Variants in SSH2 observed in about 807,000 individuals in gnomAD.
SSH2 encodes the protein protein phosphatase Slingshot homolog 2.
In SSH2, 37 loss-of-function variants were observed where a neutral mutation model predicts 135.2. The observed-to-expected ratio is 0.27, with a 90% CI of 0.21 to 0.36. The LOEUF (loss-of-function observed/expected upper bound fraction) is 0.36. Among genes scored for constraint, SSH2 ranks in the 10% least tolerant of loss-of-function variants. The probability of loss-of-function intolerance (pLI) is 1.00; values close to 1 mark genes in which losing one functional copy is unlikely to be tolerated. For missense variants in SSH2, 1,408 were observed against 1,765.3 expected (o/e 0.80, Z 3.63); for synonymous variants, 628 against 646.2 (o/e 0.97, Z 0.43).
intron 12 of SSH2, 39 bp from the exon 13 acceptor site, chr17:29,650,839 C>G (rs776580354): frequency 2.0e-6 from 3 of 1,514,372 alleles, no homozygotes; most frequent in South Asian, 2.5e-5. Context: ...CTCTACTACT[C>G]AGGCTAAATC....
At chr17:29,732,272 C>T (rs1019429043) in intron 3 of SSH2, among the ~76,000 whole-genome samples, 6 of 152,142 alleles carry the variant, frequency 3.9e-5, no homozygotes, top group African/African-American at 1.4e-4. Flanking sequence ...TAAAAAGTAG[C>T]AAGCACCAGG....
intron 3 of SSH2, among the ~76,000 whole-genome samples, chr17:29,716,869 A>AT (rs1444221752): frequency 6.6e-6 from 1 of 151,932 alleles, no homozygotes; most frequent in African/African-American, 2.4e-5. Flanking sequence ...TTTGCCAATG[A>AT]TTTCCCCAGT....
chr17:29,696,267 TACAC>T (rs957562211), intron 4 of SSH2, among the ~76,000 whole-genome samples: 1 of 149,442 alleles, frequency 6.7e-6, no homozygotes, highest in Non-Finnish European at 1.5e-5. Flanking sequence ...AATATATATA[TACAC>T]ACACACGTAT....
Position 29,692,462 on chromosome 17 carries a change from CA to C in SSH2, c.357+2996del, listed in dbSNP as rs2038529013. Reference sequence around the variant, plus strand: ...ACTTTGAATTCAGAGGCATCAGTTACATTTTCTGAATTTATATTTTATAAAT... The same window carrying C: ...ACTTTGAATTCAGAGGCATCAGTTACTTTTCTGAATTTATATTTTATAAAT... On this transcript the variant is annotated intron_variant, in intron 5 of 15. Transcript: ENST00000540801. 3.3e-5 allele frequency among the ~76,000 whole-genome samples: 5 copies of C among 152,310 alleles called. No homozygotes were observed. The South Asian group carries it at 1.0e-3, about 32-fold the overall frequency.
In SSH2 at chr17:29,913,347, A is replaced by AAAAAAAAAAAAAAATTATATATAT; in HGVS notation, c.63+16590_63+16591insATATATATAATTTTTTTTTTTTTT. Among the ~76,000 whole-genome samples the AAAAAAAAAAAAAAATTATATATAT allele has an allele frequency of 1.3e-3, 38 of 28,786 alleles. 14 individuals are homozygous for AAAAAAAAAAAAAAATTATATATAT. Among genetic ancestry groups the AAAAAAAAAAAAAAATTATATATAT allele is most frequent in the Admixed American group, 7.3e-3 (10 of 1,362 alleles). The allele number at this position is 28,786 out of a possible 152,430, so 18.9% of individuals were successfully genotyped here. On this transcript the variant is annotated intron_variant, in intron 1 of 15. Transcript: ENST00000540801. ...AAAAAAAAAAAAAAAAAAAAAAAAA[A>AAAAAAAAAAAAAAATTATATATAT]ATATATATATATATATATATATATA...
chr17:29,877,891 TG>T (rs1599131177), intron 1 of SSH2, among the ~76,000 whole-genome samples: 1 of 152,220 alleles, frequency 6.6e-6, no homozygotes, highest in East Asian at 1.9e-4. Context: ...AAGACCAGCC[TG>T]GGCAACATAT....
At chr17:29,855,701 G>A (rs2065650261) in intron 1 of SSH2, 1 of 155,274 alleles carries the variant, frequency 6.4e-6, no homozygotes, top group Non-Finnish European at 1.4e-5. Flanking sequence ...TAAAGTCTTT[G>A]CTCAAATTAT....
chr17:29,774,951 C>G (rs2041665384), intron 3 of SSH2, among the ~76,000 whole-genome samples: 1 of 152,122 alleles, frequency 6.6e-6, no homozygotes, highest in Non-Finnish European at 1.5e-5. Flanking sequence ...CTCGCAGTAT[C>G]CTATACTCGT....
At chr17:29,820,733 G>T (rs2042637169) in intron 2 of SSH2, among the ~76,000 whole-genome samples, 1 of 152,138 alleles carries the variant, frequency 6.6e-6, no homozygotes, top group South Asian at 2.1e-4. Context: ...AAAGAGTGCT[G>T]CCCTGGAGAC....
intron 1 of SSH2, among the ~76,000 whole-genome samples, chr17:29,904,932 A>G (rs535437591): frequency 6.6e-6 from 1 of 152,338 alleles, no homozygotes; most frequent in South Asian, 2.1e-4. Context: ...CTAGAAATAC[A>G]GCTAACAAGG....
chr17:29,752,242 C>T (rs2040968276), intron 3 of SSH2, among the ~76,000 whole-genome samples: 1 of 152,012 alleles, frequency 6.6e-6, no homozygotes, highest in Non-Finnish European at 1.5e-5. Context: ...ATAGTTAGGA[C>T]ACTGAAAAAT....
At chr17:29,906,522 C>G (rs2066656766) in intron 1 of SSH2, among the ~76,000 whole-genome samples, 1 of 152,118 alleles carries the variant, frequency 6.6e-6, no homozygotes, top group Non-Finnish European at 1.5e-5. Context: ...TGGGATCTAA[C>G]TAAATTAAAG....
intron 13 of SSH2, 148 bp from the exon 14 acceptor site, chr17:29,648,492 T>A (rs2036466002): frequency 1.6e-6 from 1 of 625,100 alleles, no homozygotes; most frequent in Admixed American, 3.2e-5. Flanking sequence ...CTCATATACA[T>A]TTATAATCAA....
intron 11 of SSH2, among the ~76,000 whole-genome samples, chr17:29,658,409 C>T (rs1241782809): frequency 2.0e-5 from 3 of 151,404 alleles, no homozygotes; most frequent in Non-Finnish European, 2.9e-5. Flanking sequence ...GAACTTCTGG[C>T]CTCAAGTGAT....
intron 3 of SSH2, among the ~76,000 whole-genome samples, chr17:29,786,566 T>G (rs1382501565): frequency 6.6e-6 from 1 of 152,184 alleles, no homozygotes; most frequent in African/African-American, 2.4e-5. Context: ...ACTGCAACAA[T>G]AGTCAATGAT....
intron 11 of SSH2, among the ~76,000 whole-genome samples, chr17:29,664,519 G>T (rs1402185889): frequency 6.6e-6 from 1 of 151,828 alleles, no homozygotes; most frequent in Non-Finnish European, 1.5e-5. Flanking sequence ...TTTTAGACAG[G>T]CTCTCTCTTT....
chr17:29,902,124 T>C (rs1267313815), intron 1 of SSH2, among the ~76,000 whole-genome samples: 3 of 152,098 alleles, frequency 2.0e-5, no homozygotes, highest in African/African-American at 7.2e-5. Flanking sequence ...GCCTATTCCT[T>C]AACTAATAAG....
At chr17:29,761,489 C>G in intron 3 of SSH2, 2 of 973,970 alleles carry the variant, frequency 2.1e-6, no homozygotes, top group Non-Finnish European at 2.4e-6. Flanking sequence ...CGGGCGGGTC[C>G]TGAGAGCGGA....
At chr17:29,749,723 T>G (rs1482566561) in intron 3 of SSH2, among the ~76,000 whole-genome samples, 1 of 152,088 alleles carries the variant, frequency 6.6e-6, no homozygotes, top group African/African-American at 2.4e-5. Flanking sequence ...TTTTAAAAAC[T>G]TATTTTTTCT....
Sources: allele counts gnomAD v4.1 joint callset (sites outside exome capture counted in the v4.1 genomes callset), GRCh38; gene constraint gnomAD v4.1.1; transcripts MANE v1.5; gene names NCBI Gene and HGNC (gene_info 2026-07-23, HGNC 2026-07-21).